PLAGL1: variants seen among roughly 807,000 people sequenced by gnomAD.
PLAGL1 encodes PLAG1 like zinc finger 1, also known as zinc finger protein PLAGL1.
Under a neutral mutation model 4.6 loss-of-function variants are expected in PLAGL1, and 1 was observed. The observed-to-expected ratio is 0.22, with a 90% CI of 0.08 to 1.03. The LOEUF (loss-of-function observed/expected upper bound fraction) is 1.03, where lower values mean the gene tolerates loss of function less well. PLAGL1 is among the 50% of genes least tolerant of loss of function. PLAGL1 has a pLI of 0.58. For missense variants in PLAGL1, 464 were observed against 570.4 expected, an observed-to-expected ratio of 0.81 and a Z score of 1.90; for synonymous variants, 240 against 237.8, an observed-to-expected ratio of 1.01 and a Z score of -0.08.
intron 1 of PLAGL1, among the ~76,000 whole-genome samples, chr6:144,028,036 A>T (rs74941136): frequency 0.024 from 3,664 of 152,316 alleles, 155 homozygotes; most frequent in African/African-American, 0.084. Flanking sequence ...AGCACCTCAA[A>T]CAATTTAAAT....
chr6:143,992,847 G>A (rs562147473), intron 1 of PLAGL1, among the ~76,000 whole-genome samples: 8 of 149,494 alleles, frequency 5.4e-5, no homozygotes, highest in Admixed American at 2.0e-4. Context: ...GTGTGGTGGC[G>A]CGTGCCTGTA....
At chr6:144,014,832 G>A (rs1208360411) in intron 1 of PLAGL1, among the ~76,000 whole-genome samples, 27 of 152,044 alleles carry the variant, frequency 1.8e-4, no homozygotes, top group Admixed American at 1.6e-3. Flanking sequence ...TGAGCACCTC[G>A]GCCTCCCAAG....
At chr6:144,009,918 C>G (rs1023478193), upstream of PLAGL1, among the ~76,000 whole-genome samples, 3 of 152,104 alleles carry the variant, frequency 2.0e-5, no homozygotes, top group Non-Finnish European at 4.4e-5. Flanking sequence ...CAGTCTATCA[C>G]CAATGGCCAT....
upstream of PLAGL1, among the ~76,000 whole-genome samples, chr6:144,013,194 C>T (rs913931378): frequency 3.3e-5 from 5 of 152,110 alleles, no homozygotes; most frequent in African/African-American, 4.8e-5. The surrounding 1 kb of genome is among the most constrained non-coding windows in gnomAD (Gnocchi z 4.4). Flanking sequence ...TCAGCAAATG[C>T]AGAACAAGAA....
chr6:144,040,727 A>T (rs920852183), intron 1 of PLAGL1, among the ~76,000 whole-genome samples: 32 of 151,382 alleles, frequency 2.1e-4, no homozygotes, highest in African/African-American at 7.8e-4. Flanking sequence ...AATACAAAAA[A>T]ATTTGTGTGG....
In PLAGL1 at chr6:143,978,720, C is replaced by T. The variant is rs1787248631; in HGVS notation, c.-544+6415G>A. On this transcript the variant is annotated intron_variant, in intron 2 of 7. Coordinates refer to ENST00000674357, the MANE Select transcript of PLAGL1 (RefSeq NM_001317162.2). The surrounding 1 kb of genome is among the most constrained non-coding windows in gnomAD (Gnocchi z 4.6). ...CCTTCAGAATTAATTGACTTATTTT[C>T]CCACCCAGAATATGGTCTATCTTGA... Among the ~76,000 whole-genome samples the T allele has an allele frequency of 6.6e-6, 1 of 152,134 alleles. No homozygotes were observed.
chr6:144,018,674 T>A (rs900363373), intron 1 of PLAGL1, among the ~76,000 whole-genome samples: 17 of 152,296 alleles, frequency 1.1e-4, no homozygotes, highest in East Asian at 3.9e-4. Context: ...ATAATTTTTT[T>A]AAAAGTGATG....
At chr6:144,042,795 C>T (rs1245576669) in intron 1 of PLAGL1, among the ~76,000 whole-genome samples, 1 of 152,172 alleles carries the variant, frequency 6.6e-6, no homozygotes, top group Non-Finnish European at 1.5e-5. Flanking sequence ...ATTGATTCTT[C>T]CTACCCATGA....
At position 143,964,565 on chromosome 6, in the gene PLAGL1, T is replaced by C. The variant is rs1784038401; in HGVS notation, c.-399+222A>G. Among the ~76,000 whole-genome samples the C allele has an allele frequency of 6.6e-6, 1 of 152,136 alleles. No individual in the cohort carries two copies. The highest frequency in any genetic ancestry group is 2.4e-5 in the African/African-American group (1 of 41,432). On this transcript the variant is annotated intron_variant, in intron 5 of 7. Coordinates refer to ENST00000674357, the MANE Select transcript of PLAGL1 (RefSeq NM_001317162.2). This position sits in a 1 kb window ranked among gnomAD's most constrained non-coding sequence, Gnocchi z 4.3. ...GTGCAGAATCTTAGAACAGTGCACA[T>C]CTGTGCTATAGACTAGCTACAACTG...
chr6:143,993,073 C>A (rs1790831227), intron 1 of PLAGL1, among the ~76,000 whole-genome samples: 1 of 150,550 alleles, frequency 6.6e-6, no homozygotes, highest in Non-Finnish European at 1.5e-5. Context: ...CTTTGGGAGG[C>A]CAAGGCGGGA....
intron 1 of PLAGL1, among the ~76,000 whole-genome samples, chr6:144,018,370 G>T (rs547598844): frequency 1.9e-4 from 29 of 152,264 alleles, no homozygotes; most frequent in African/African-American, 6.0e-4. Flanking sequence ...TGGTTACCAG[G>T]GGCTGGCGGG....
intron 1 of PLAGL1, among the ~76,000 whole-genome samples, chr6:143,993,387 G>A (rs1448730783): frequency 6.8e-6 from 1 of 146,138 alleles, no homozygotes; most frequent in Non-Finnish European, 1.5e-5. Flanking sequence ...ATGTGTATTG[G>A]TTATTATTGG....
At chr6:144,013,161 T>TTGAA (rs933964601), upstream of PLAGL1, among the ~76,000 whole-genome samples, 3 of 152,302 alleles carry the variant, frequency 2.0e-5, no homozygotes, top group African/African-American at 4.8e-5. The surrounding 1 kb of genome is among the most constrained non-coding windows in gnomAD (Gnocchi z 4.4). Context: ...CTGCAGACTA[T>TTGAA]TGAATGACTT....
rs1317822184 is a variant in PLAGL1 at position 144,058,117 on chromosome 6, G to A, written c.-151+6351C>T. Among the ~76,000 whole-genome samples, 4 of 152,158 alleles carry A rather than the reference G, an allele frequency of 2.6e-5. No homozygotes were observed. In the East Asian group the frequency reaches 7.7e-4, roughly 29 times the overall value. ...GGTTTAATTGGCTTATGTTTCTGTA[G>A]GCTGTACAAGAAGCATGGTGCTGAC... On this transcript the variant is annotated intron_variant, in intron 1 of 3. Coordinates refer to the PLAGL1 transcript ENST00000437412.
In PLAGL1 at chr6:144,030,024, C is replaced by A. The variant is rs184302516; in HGVS notation, c.-151+34444G>T. On this transcript the variant is annotated intron_variant, in intron 1 of 3. Coordinates refer to the PLAGL1 transcript ENST00000437412. Reference sequence around the variant, plus strand: ...ATCCCAGCACTTTGGGAGGCCGAGGCGGGAGGATCATGAGGTCAGGAGATC... The same window carrying A: ...ATCCCAGCACTTTGGGAGGCCGAGGAGGGAGGATCATGAGGTCAGGAGATC... 6.6e-5 allele frequency among the ~76,000 whole-genome samples: 10 copies of A among 151,948 alleles called. No homozygotes were observed. In the East Asian group the frequency reaches 9.7e-4, roughly 15 times the overall value.
Position 144,027,707 on chromosome 6 carries a change from G to C in PLAGL1, c.-151+36761C>G, listed in dbSNP as rs111782809. Among the ~76,000 whole-genome samples the C allele has an allele frequency of 8.6e-4, 131 of 152,264 alleles. No individual in the cohort carries two copies. Among genetic ancestry groups the C allele is most frequent in the African/African-American group, 2.9e-3 (120 of 41,550 alleles). On this transcript the variant is annotated intron_variant, in intron 1 of 3. Transcript: ENST00000437412. The surrounding 1 kb of genome is among the most constrained non-coding windows in gnomAD (Gnocchi z 5.8). ...TTAAGTGTTCTTGTTTTGAAATGAG[G>C]TTATATATTTAAAAGTCTCTTTAGT...
At chr6:144,017,781 C>T (rs1156341374) in intron 1 of PLAGL1, among the ~76,000 whole-genome samples, 1 of 152,182 alleles carries the variant, frequency 6.6e-6, no homozygotes, top group Non-Finnish European at 1.5e-5. Flanking sequence ...ATCTGCTCTC[C>T]CCTGGAAATC....
chr6:143,963,038 A>G lies in PLAGL1; in HGVS notation c.-399+1749T>C, dbSNP rs1490228606. 6.6e-6 allele frequency among the ~76,000 whole-genome samples: 1 copy of G among 152,208 alleles called. No homozygotes were observed. The highest frequency in any genetic ancestry group is 1.9e-4 in the East Asian group (1 of 5,190). On this transcript the variant is annotated intron_variant, in intron 5 of 7. Coordinates refer to ENST00000674357, the MANE Select transcript of PLAGL1 (RefSeq NM_001317162.2). This position sits in a 1 kb window ranked among gnomAD's most constrained non-coding sequence, Gnocchi z 6.1. ...TGAACAATGAGATTATTTCTTTGAA[A>G]TGAAGCCTGAGTGGGATATTCAGAT...
intron 1 of PLAGL1, among the ~76,000 whole-genome samples, chr6:144,060,598 C>A (rs888188141): frequency 6.6e-6 from 1 of 152,196 alleles, no homozygotes; most frequent in Non-Finnish European, 1.5e-5. Context: ...GAGATTAAAT[C>A]TGCCTCTTCC....
Sources: gnomAD v4.1 joint callset for allele counts (sites outside exome capture counted in the v4.1 genomes callset) on GRCh38, gnomAD v4.1.1 for gene constraint, Gnocchi (gnomAD v3.1) non-coding constraint, MANE v1.5 for transcripts, NCBI Gene and HGNC (gene_info 2026-07-23, HGNC 2026-07-21) for gene names.